The following TTK variants were observed in gnomAD, a reference collection of about 807,000 sequenced individuals.
The protein encoded by TTK is TTK protein kinase.
TTK carries 59 observed loss-of-function variants against 117.3 expected under a neutral mutation model. The observed-to-expected ratio is 0.50, with a 90% CI of 0.41 to 0.62. The LOEUF is 0.62. TTK is among the 20% of genes least tolerant of loss of function. The pLI, the probability that TTK is intolerant of heterozygous loss-of-function variation, is 0.00. For synonymous variants in TTK, 302 were observed against 325.0 expected, an observed-to-expected ratio of 0.93 and a Z score of 0.76; for missense variants, 921 against 989.4, an observed-to-expected ratio of 0.93 and a Z score of 0.93.
intron 21 of TTK, among the ~76,000 whole-genome samples, chr6:80,041,745 CTTA>C (rs1768053966): frequency 6.6e-6 from 1 of 150,746 alleles, no homozygotes; most frequent in Non-Finnish European, 1.5e-5. Context: ...TATTTATTAG[CTTA>C]TTATCATCTG....
chr6:80,039,360 A>G (rs1234081830), intron 18 of TTK, among the ~76,000 whole-genome samples: 1 of 143,854 alleles, frequency 7.0e-6, no homozygotes, highest in African/African-American at 2.6e-5. Context: ...TTATATAAAA[A>G]TTTATTATAA....
chr6:80,040,853 T>C (rs1768030894), intron 21 of TTK, 150 bp downstream of exon 21: 7 of 646,824 alleles, frequency 1.1e-5, no homozygotes, highest in African/African-American at 1.8e-5. Context: ...CATGTGCATT[T>C]TGACAAATAT....
At chr6:80,036,044 A>C (rs1442960855) in intron 16 of TTK, among the ~76,000 whole-genome samples, 1 of 152,096 alleles carries the variant, frequency 6.6e-6, no homozygotes, top group Admixed American at 6.6e-5. Context: ...TGTCAGGAGC[A>C]TTAGGGTCTT....
At chr6:80,031,717 G>T (rs1352703855) in intron 14 of TTK, among the ~76,000 whole-genome samples, 158 bp downstream of exon 14, 2 of 152,042 alleles carry the variant, frequency 1.3e-5, no homozygotes, top group Admixed American at 1.3e-4. Context: ...TCTTCCCGCT[G>T]CCCCTCACAT....
At chr6:80,034,350 C>G (rs939712636) in intron 14 of TTK, among the ~76,000 whole-genome samples, 1 of 152,068 alleles carries the variant, frequency 6.6e-6, no homozygotes, top group Non-Finnish European at 1.5e-5. Flanking sequence ...TTACCTAAAC[C>G]GGATTGCAAG....
chr6:80,028,368 A>G (rs902928971), intron 13 of TTK, among the ~76,000 whole-genome samples: 1 of 151,550 alleles, frequency 6.6e-6, no homozygotes, highest in African/African-American at 2.4e-5. Context: ...CCCAAGCTGG[A>G]GTGCAGTGGC....
chr6:80,038,112 T>A, intron 18 of TTK, 65 bp downstream of exon 18: 1 of 1,162,522 alleles, frequency 8.6e-7, no homozygotes, highest in Non-Finnish European at 1.2e-6. Flanking sequence ...ATTTTCTGAA[T>A]AAACTTACCA....
chr6:80,041,867 T>C (rs1466914499), intron 21 of TTK, among the ~76,000 whole-genome samples: 2 of 151,784 alleles, frequency 1.3e-5, no homozygotes, highest in African/African-American at 4.8e-5. Context: ...CTCATATGTA[T>C]GTTTATTAGT....
chr6:80,026,584 A>G, intron 12 of TTK, 70 bp downstream of exon 12: 1 of 1,578,822 alleles, frequency 6.3e-7, no homozygotes. Context: ...TCTGGGCCAA[A>G]TAAATCTGGG....
chr6:80,011,614 T>C, intron 6 of TTK, 66 bp downstream of exon 6: 1 of 1,533,892 alleles, frequency 6.5e-7, no homozygotes, highest in Non-Finnish European at 8.9e-7. Context: ...TTTTTTAATG[T>C]AATTACATGT....
At chr6:80,022,500 G>C in intron 11 of TTK, 28 bp downstream of exon 11, 1 of 1,601,750 alleles carries the variant, frequency 6.2e-7, no homozygotes, top group South Asian at 1.1e-5. Flanking sequence ...GTACAATATT[G>C]CTTTTTTGTT....
chr6:80,032,006 A>G (rs1016116602), intron 14 of TTK, among the ~76,000 whole-genome samples: 3 of 152,228 alleles, frequency 2.0e-5, no homozygotes, highest in Non-Finnish European at 2.9e-5. Context: ...AATTTCTGGA[A>G]TTAGATTATT....
At position 80,027,917 on chromosome 6, in the gene TTK, C is replaced by T. The variant is rs767247672; in HGVS notation, c.1427C>T (p.Pro476Leu). 4.4e-6 allele frequency: 7 copies of T among 1,606,284 alleles called. No homozygotes were observed. The South Asian group carries it at 6.7e-5, about 15-fold the overall frequency. ...ACTCCAGTTGTAAAGAATGACTTTCCACCTGCTTGTCAGTTGTCAACACCT... is the reference window on the plus strand; with the variant it reads ...ACTCCAGTTGTAAAGAATGACTTTCTACCTGCTTGTCAGTTGTCAACACCT... ...FRTPVVKNDF[P>L]PACQLSTPYG... The change falls in exon 13 of 22, where the codon CCA becomes CTA. Residue 476 changes from proline (P) to leucine (L), a missense_variant. Pro to Leu is a moderately conservative substitution (Grantham distance 98, BLOSUM62 -3). Transcript: ENST00000369798.
Position 80,041,187 on chromosome 6 carries a change from G to C in TTK, c.2490+484G>C, listed in dbSNP as rs1768041756. 2.0e-5 allele frequency among the ~76,000 whole-genome samples: 3 copies of C among 151,604 alleles called. No individual in the cohort carries two copies. The South Asian group carries it at 6.2e-4, about 31-fold the overall frequency. ...TATACCATGATTTTTCAAACACCTA[G>C]TTATTTCTAGAACCCTGTGAATGCT... On this transcript the variant is annotated intron_variant, in intron 21 of 21. Coordinates refer to ENST00000369798, the MANE Select transcript of TTK (RefSeq NM_003318.5).
At chr6:80,013,602 G>A (rs1767225433) in intron 9 of TTK, 1 of 332,208 alleles carries the variant, frequency 3.0e-6, no homozygotes, top group African/African-American at 2.2e-5. Context: ...AGAGAATCAT[G>A]AAGTAATATT....
Position 80,008,929 on chromosome 6 carries a change from CTGTGTGTGTGTGTG to C in TTK, c.469+463_469+476del, listed in dbSNP as rs3049166. Among the ~76,000 whole-genome samples the C allele has an allele frequency of 4.3e-3, 607 of 142,404 alleles. 3 individuals are homozygous for C. Among genetic ancestry groups the C allele is most frequent in the African/African-American group, 0.015 (573 of 38,656 alleles). 93.4% of individuals were successfully genotyped at this position (142,404 alleles called of 152,430 possible). Reference sequence around the variant, plus strand: ...CTTGGTGGTCAAGTAAACTATATATCTGTGTGTGTGTGTGTGTGTGTGTGTGTGTGTGTGTGTGT... The same window carrying C: ...CTTGGTGGTCAAGTAAACTATATATCTGTGTGTGTGTGTGTGTGTGTGTGT... On this transcript the variant is annotated intron_variant, in intron 4 of 21. Coordinates refer to ENST00000369798, the MANE Select transcript of TTK (RefSeq NM_003318.5).
intron 20 of TTK, 112 bp downstream of exon 20, chr6:80,040,392 T>C: frequency 1.0e-6 from 1 of 995,146 alleles, no homozygotes; most frequent in Non-Finnish European, 1.4e-6. Context: ...TCAGCCTGCC[T>C]TTTTCCTTAA....
chr6:80,039,862 A>G lies in TTK; in HGVS notation c.2297A>G (p.Asp766Gly). ...GATATTCCAGAGAAAGATCTTCAAG[A>G]TGTGTTAAAGGTAATATTAATTTCA... ...FPDIPEKDLQ[D>G]VLKCCLKRDP... is the part of the protein sequence containing the mutation. The change falls in exon 19 of 22, where the codon GAT (aspartate) becomes GGT (glycine). Residue 766 changes from aspartate (D) to glycine (G), a missense_variant. Transcript: ENST00000369798. The G allele has an allele frequency of 1.9e-6, 3 of 1,571,212 alleles. No individual in the cohort carries two copies. Among genetic ancestry groups the G allele is most frequent in the South Asian group, 1.2e-5 (1 of 81,738 alleles).
chr6:80,035,566 A>G, intron 16 of TTK, 149 bp downstream of exon 16: 2 of 915,652 alleles, frequency 2.2e-6, no homozygotes, highest in South Asian at 4.5e-5. Context: ...AAGATAAAGG[A>G]ACAAAACCAT....
Sources: allele counts gnomAD v4.1 joint callset (sites outside exome capture counted in the v4.1 genomes callset), GRCh38; gene constraint gnomAD v4.1.1; transcripts MANE v1.5; gene names NCBI Gene and HGNC (gene_info 2026-07-23, HGNC 2026-07-21).